ZFPM2: variants seen among roughly 807,000 people sequenced by gnomAD.
The protein encoded by ZFPM2 is zinc finger protein ZFPM2.
ZFPM2 carries 20 observed loss-of-function variants against 98.6 expected under a neutral mutation model. The ratio of observed to expected loss-of-function variants is 0.20; its 90% CI spans 0.14 to 0.29. ZFPM2 has a LOEUF of 0.29. Among genes scored for constraint, ZFPM2 ranks in the 10% least tolerant of loss-of-function variants. The pLI is 1.00. For missense variants in ZFPM2, 1,310 were observed against 1,388.6 expected (o/e 0.94, Z 0.90); for synonymous variants, 518 against 502.7 (o/e 1.03, Z -0.41).
rs78332645 is a variant in ZFPM2 at position 105,628,429 on chromosome 8, G to A, written c.421-5817G>A. 6.7e-3 allele frequency among the ~76,000 whole-genome samples: 1,022 copies of A among 152,272 alleles called. 6 individuals are homozygous for A. The highest frequency in any genetic ancestry group is 9.6e-3 in the Non-Finnish European group (650 of 68,022). On this transcript the variant is annotated intron_variant, in intron 4 of 7. Coordinates refer to ENST00000407775, the MANE Select transcript of ZFPM2 (RefSeq NM_012082.4). ...GCAGAGAAATTCTAGGCAGAAAAGG[G>A]TGGGTCGCTGGCAAAAACCCCACCC...
intron 1 of ZFPM2, among the ~76,000 whole-genome samples, chr8:105,370,757 G>T (rs1190823978): frequency 6.6e-6 from 1 of 152,218 alleles, no homozygotes; most frequent in African/African-American, 2.4e-5. Flanking sequence ...AACTTACAGT[G>T]TATGTGCTGT....
intron 6 of ZFPM2, among the ~76,000 whole-genome samples, chr8:105,795,246 T>TCTTTGTG (rs1554582313): frequency 7.2e-6 from 1 of 138,228 alleles, no homozygotes; most frequent in Non-Finnish European, 1.6e-5. Flanking sequence ...CATTTTATCT[T>TCTTTGTG]TGTGTGTGTG....
At chr8:105,357,186 C>A (rs1812765212) in intron 1 of ZFPM2, among the ~76,000 whole-genome samples, 1 of 152,158 alleles carries the variant, frequency 6.6e-6, no homozygotes, top group South Asian at 2.1e-4. Flanking sequence ...GTCTTTTCTC[C>A]ATCATATAAA....
intron 1 of ZFPM2, among the ~76,000 whole-genome samples, chr8:105,325,677 C>T (rs576410939): frequency 2.6e-5 from 4 of 151,494 alleles, no homozygotes; most frequent in African/African-American, 4.8e-5. Context: ...TTTTTGTTTG[C>T]GAATAGAGGC....
intron 3 of ZFPM2, among the ~76,000 whole-genome samples, chr8:105,468,650 C>A (rs1812838986): frequency 6.6e-6 from 1 of 152,064 alleles, no homozygotes; most frequent in South Asian, 2.1e-4. Flanking sequence ...AGTCTTTATG[C>A]CCTATACCTA....
intron 5 of ZFPM2, chr8:105,678,963 A>C (rs1049515625): frequency 2.0e-5 from 3 of 152,234 alleles, no homozygotes; most frequent in African/African-American, 7.2e-5. Flanking sequence ...ATAATGGCTG[A>C]GTTTGGAGTC....
At chr8:105,405,575 C>T (rs926224579) in intron 1 of ZFPM2, among the ~76,000 whole-genome samples, 56 of 151,982 alleles carry the variant, frequency 3.7e-4, no homozygotes, top group South Asian at 6.2e-4. Context: ...TGATGGTTTC[C>T]AGCTTCATCC....
chr8:105,395,498 A>T (rs999687818), intron 1 of ZFPM2, among the ~76,000 whole-genome samples: 3 of 152,148 alleles, frequency 2.0e-5, no homozygotes, highest in Admixed American at 2.0e-4. Flanking sequence ...CCTGAATCTG[A>T]AGGCTCTGGA....
intron 4 of ZFPM2, among the ~76,000 whole-genome samples, chr8:105,604,860 T>C (rs1816166088): frequency 6.6e-6 from 1 of 152,074 alleles, no homozygotes; most frequent in Non-Finnish European, 1.5e-5. Flanking sequence ...CATATATATC[T>C]TTTTCTCCCT....
chr8:105,732,954 C>T (rs555334147), intron 5 of ZFPM2, among the ~76,000 whole-genome samples: 1 of 151,842 alleles, frequency 6.6e-6, no homozygotes, highest in African/African-American at 2.4e-5. Flanking sequence ...TAAAGGCAGC[C>T]TTATAAAACA....
At chr8:105,776,272 T>G (rs1032830887) in intron 5 of ZFPM2, among the ~76,000 whole-genome samples, 1 of 152,160 alleles carries the variant, frequency 6.6e-6, no homozygotes, top group Non-Finnish European at 1.5e-5. Flanking sequence ...TACTTCCTGT[T>G]TGCCACAGCT....
chr8:105,691,070 C>G (rs989493619), intron 5 of ZFPM2: 1 of 152,098 alleles, frequency 6.6e-6, no homozygotes, highest in African/African-American at 2.4e-5. Flanking sequence ...TCCTCTCCTA[C>G]TCAATAGCCC....
chr8:105,752,106 T>A (rs1344954239), intron 5 of ZFPM2, among the ~76,000 whole-genome samples: 1 of 152,142 alleles, frequency 6.6e-6, no homozygotes, highest in Non-Finnish European at 1.5e-5. Flanking sequence ...TTCATTTCAG[T>A]AGCCATTATT....
chr8:105,355,336 A>G (rs182390491), intron 1 of ZFPM2, among the ~76,000 whole-genome samples: 1 of 152,196 alleles, frequency 6.6e-6, no homozygotes, highest in African/African-American at 2.4e-5. Context: ...GGAGTTTTGC[A>G]CTGAAAATTC....
intron 5 of ZFPM2, among the ~76,000 whole-genome samples, chr8:105,658,586 C>CAAAAAAAAAAAA (rs773181953): frequency 7.6e-4 from 6 of 7,900 alleles, no homozygotes; most frequent in African/African-American, 1.4e-3. Flanking sequence ...GACTCCGTCT[C>CAAAAAAAAAAAA]AAAAAAAAAA....
chr8:105,700,583 T>A (rs1220107824), intron 5 of ZFPM2, among the ~76,000 whole-genome samples: 5 of 150,790 alleles, frequency 3.3e-5, no homozygotes, highest in Admixed American at 2.6e-4. Flanking sequence ...TGTTTGTTTG[T>A]TTGTTTGATT....
At chr8:105,612,690 C>T (rs977267314) in intron 4 of ZFPM2, among the ~76,000 whole-genome samples, 5 of 152,144 alleles carry the variant, frequency 3.3e-5, no homozygotes, top group Admixed American at 3.3e-4. Context: ...AATAATATAT[C>T]TAGACTTGGC....
chr8:105,542,602 A>T (rs1339442309), intron 3 of ZFPM2, among the ~76,000 whole-genome samples: 4 of 152,152 alleles, frequency 2.6e-5, no homozygotes, highest in Non-Finnish European at 5.9e-5. Flanking sequence ...GGGCTAGCTG[A>T]CTTTTTGTAT....
intron 2 of ZFPM2, among the ~76,000 whole-genome samples, chr8:105,425,574 T>C (rs763970355): frequency 6.6e-6 from 1 of 152,196 alleles, no homozygotes. Context: ...ACCAGTTTCA[T>C]CATCGTACTC....
Sources: allele counts gnomAD v4.1 joint callset (sites outside exome capture counted in the v4.1 genomes callset), GRCh38; gene constraint gnomAD v4.1.1; transcripts MANE v1.5; gene names NCBI Gene and HGNC (gene_info 2026-07-23, HGNC 2026-07-21).